MYO3A: variants seen among roughly 807,000 people sequenced by gnomAD.
MYO3A encodes myosin-IIIa.
In MYO3A, 180 loss-of-function variants were observed where a neutral mutation model predicts 192.7. That is an observed-to-expected ratio of 0.93 (90% CI 0.83 to 1.06). The LOEUF (loss-of-function observed/expected upper bound fraction) is 1.06, where lower values mean the gene tolerates loss of function less well. Ranked by LOEUF, MYO3A falls within the 50% of genes least tolerant of loss-of-function variation. The probability of loss-of-function intolerance (pLI) is 0.00; values close to 1 mark genes in which losing one functional copy is unlikely to be tolerated. For synonymous variants in MYO3A, 628 were observed against 645.3 expected, an observed-to-expected ratio of 0.97 and a Z score of 0.41; for missense variants, 1,896 against 1,905.0, an observed-to-expected ratio of 1.00 and a Z score of 0.09.
chr10:26,128,520 T>C lies in MYO3A; in HGVS notation c.2244T>C (p.His748=), dbSNP rs777658737. The change falls in exon 20 of 35, where the codon CAT becomes CAC. Residue 748 remains histidine (H), a synonymous_variant. Transcript: ENST00000642920. The part of the protein sequence containing the change: ...NEQIQYYYNQ[H]VFAWEQNEYL... ...AAATTCAGTATTATTATAATCAACA[T>C]GTGTTTGCATGGGAACAGGTAAGTC... 1 of 1,611,552 alleles carries C rather than the reference T, an allele frequency of 6.2e-7. No homozygotes were observed. Among genetic ancestry groups the C allele is most frequent in the South Asian group, 1.1e-5 (1 of 91,006 alleles).
intron 15 of MYO3A, among the ~76,000 whole-genome samples, chr10:26,092,884 G>A (rs1388165758): frequency 6.6e-6 from 1 of 152,172 alleles, no homozygotes; most frequent in Non-Finnish European, 1.5e-5. Flanking sequence ...GATATGGTTC[G>A]TGACCCCGGG....
chr10:26,058,809 G>A (rs946488372), intron 10 of MYO3A, among the ~76,000 whole-genome samples: 1 of 152,152 alleles, frequency 6.6e-6, no homozygotes, highest in African/African-American at 2.4e-5. Flanking sequence ...CTGACATCTT[G>A]ATAATATTGA....
intron 22 of MYO3A, among the ~76,000 whole-genome samples, chr10:26,146,473 T>C (rs930483878): frequency 2.0e-5 from 3 of 152,206 alleles, no homozygotes; most frequent in African/African-American, 7.2e-5. Context: ...ATCAAAGTGC[T>C]CTAAGTGGGG....
chr10:26,049,176 T>C (rs546099237), intron 10 of MYO3A, among the ~76,000 whole-genome samples: 1 of 152,260 alleles, frequency 6.6e-6, no homozygotes, highest in South Asian at 2.1e-4. Flanking sequence ...GAAGGACATA[T>C]CAAGATGACA....
At chr10:25,980,623 C>T (rs928062208) in intron 4 of MYO3A, among the ~76,000 whole-genome samples, 1 of 152,076 alleles carries the variant, frequency 6.6e-6, no homozygotes, top group Non-Finnish European at 1.5e-5. Flanking sequence ...TCTAGGGGCA[C>T]TTCATTTATA....
chr10:26,048,615 CTAAAG>C, intron 10 of MYO3A, among the ~76,000 whole-genome samples: 2 of 152,020 alleles, frequency 1.3e-5, no homozygotes, highest in Admixed American at 1.3e-4. Context: ...GCAGCCCAGA[CTAAAG>C]TATAGATGTT....
intron 10 of MYO3A, among the ~76,000 whole-genome samples, chr10:26,047,746 G>C (rs1458816037): frequency 1.3e-5 from 2 of 151,578 alleles, no homozygotes; most frequent in Non-Finnish European, 2.9e-5. Context: ...CTGCACTCCA[G>C]CCTGGGTGAC....
intron 30 of MYO3A, among the ~76,000 whole-genome samples, chr10:26,175,251 A>G (rs1294375429): frequency 6.6e-6 from 1 of 152,216 alleles, no homozygotes; most frequent in African/African-American, 2.4e-5. Flanking sequence ...TTTATCTCCT[A>G]TAAATTGGTG....
chr10:26,086,146 G>A (rs148599000), intron 14 of MYO3A, among the ~76,000 whole-genome samples: 39 of 152,220 alleles, frequency 2.6e-4, no homozygotes, highest in African/African-American at 9.4e-4. Context: ...AGCTCCACAT[G>A]GCTGGGAAGG....
chr10:26,187,272 G>A (rs922595170), intron 31 of MYO3A, among the ~76,000 whole-genome samples: 9 of 152,114 alleles, frequency 5.9e-5, no homozygotes, highest in African/African-American at 9.7e-5. Context: ...AATAGTAAGC[G>A]GCAAGAATAT....
chr10:26,151,843 C>T (rs1419998175), intron 23 of MYO3A, among the ~76,000 whole-genome samples: 2 of 152,206 alleles, frequency 1.3e-5, no homozygotes, highest in Non-Finnish European at 2.9e-5. Flanking sequence ...CATTTGTCTT[C>T]CCTCTCTTAG....
chr10:26,042,742 C>CTCAAAACAACTA (rs1843421714), intron 10 of MYO3A, among the ~76,000 whole-genome samples: 1 of 152,026 alleles, frequency 6.6e-6, no homozygotes, highest in Non-Finnish European at 1.5e-5. Flanking sequence ...TTTGAGTTTC[C>CTCAAAACAACTA]TCAAAACAAC....
chr10:26,043,821 G>A (rs72793964), intron 10 of MYO3A, among the ~76,000 whole-genome samples: 24,646 of 152,120 alleles, frequency 0.16, 2,284 homozygotes, highest in Non-Finnish European at 0.21. Context: ...CTGTGGCAAA[G>A]CTGGTACCTA....
intron 10 of MYO3A, among the ~76,000 whole-genome samples, chr10:26,048,758 A>G (rs1400248979): frequency 6.6e-6 from 1 of 152,242 alleles, no homozygotes; most frequent in Admixed American, 6.5e-5. Context: ...AGAGTTATCA[A>G]GAAGGCAGTT....
chr10:26,065,596 A>AT, intron 10 of MYO3A, among the ~76,000 whole-genome samples: 1 of 117,506 alleles, frequency 8.5e-6, no homozygotes, highest in Non-Finnish European at 2.0e-5. Flanking sequence ...AAAAAAAAAA[A>AT]AAAAAAAAAA....
intron 2 of MYO3A, among the ~76,000 whole-genome samples, chr10:25,940,245 T>C (rs1294098723): frequency 6.6e-6 from 1 of 152,086 alleles, no homozygotes; most frequent in African/African-American, 2.4e-5. Context: ...TTTTCTATGT[T>C]TCCTTTATTC....
intron 9 of MYO3A, among the ~76,000 whole-genome samples, chr10:26,025,165 A>AT (rs777889857): frequency 2.0e-5 from 3 of 152,140 alleles, no homozygotes; most frequent in East Asian, 3.8e-4. Flanking sequence ...ACTTGTTCTT[A>AT]TTTTTTAGAC....
chr10:26,135,966 C>CAAA (rs55885370), intron 20 of MYO3A, among the ~76,000 whole-genome samples: 3,283 of 100,082 alleles, frequency 0.033, 181 homozygotes, highest in African/African-American at 0.12. Context: ...AACTCCATCT[C>CAAA]AAAAAAAAAA....
chr10:25,954,874 G>T lies in MYO3A; in HGVS notation c.169G>T (p.Asp57Tyr). ...AAVKILDPIH[D>Y]IDEEIEAEYN... ...TATTCTTATGACTTTTTGAAACTAG[G>T]ATATTGACGAAGAGATTGAAGCAGA... Residue 57 changes from aspartate (D) to tyrosine (Y), a missense_variant and splice_region_variant, in exon 4 of 35, where the codon GAT becomes TAT. By Grantham distance (160) the Asp-to-Tyr change is radical. Transcript: ENST00000642920. 2.5e-6 allele frequency: 4 copies of T among 1,611,720 alleles called. No homozygotes were observed. Among genetic ancestry groups the T allele is most frequent in the Non-Finnish European group, 2.5e-6 (3 of 1,178,458 alleles).
Sources: gnomAD v4.1 joint callset for allele counts (sites outside exome capture counted in the v4.1 genomes callset) on GRCh38, gnomAD v4.1.1 for gene constraint, MANE v1.5 for transcripts, NCBI Gene and HGNC (gene_info 2026-07-23, HGNC 2026-07-21) for gene names.